The following PLXNA4 variants were observed in gnomAD, a reference collection of about 807,000 sequenced individuals.
PLXNA4 encodes the protein plexin A4, also known as plexin-A4.
Under a neutral mutation model 191.8 loss-of-function variants are expected in PLXNA4, and 44 were observed. The observed-to-expected ratio is 0.23, with a 90% confidence interval of 0.18 to 0.29. The LOEUF (loss-of-function observed/expected upper bound fraction) is 0.29, where lower values mean the gene tolerates loss of function less well. Ranked by LOEUF, PLXNA4 falls within the 10% of genes least tolerant of loss-of-function variation. PLXNA4 has a pLI of 1.00. For synonymous variants in PLXNA4, 1,082 were observed against 1,009.5 expected, an observed-to-expected ratio of 1.07 and a Z score of -1.36; for missense variants, 1,800 against 2,488.8, an observed-to-expected ratio of 0.72 and a Z score of 5.89.
chr7:132,370,982 T>C (rs116759966), intron 3 of PLXNA4, among the ~76,000 whole-genome samples: 2,071 of 152,114 alleles, frequency 0.014, 45 homozygotes, highest in African/African-American at 0.047. Flanking sequence ...TGGCCACATA[T>C]GGATGGCCAT....
At chr7:132,189,239 CTCACTGGTGGGGA>C (rs1285543853) in intron 14 of PLXNA4, among the ~76,000 whole-genome samples, 1 of 151,638 alleles carries the variant, frequency 6.6e-6, no homozygotes, top group Non-Finnish European at 1.5e-5. Flanking sequence ...TATCAAGGGG[CTCACTGGTGGGGA>C]GAGGATGTTA....
Position 132,140,628 on chromosome 7 carries a change from G to A in PLXNA4, c.5409C>T (p.Asp1803=), listed in dbSNP as rs201550788. Reference sequence around the variant, plus strand: ...CCACCCAATTCTTGTAGCTGGGGATGTCCTTGGCATACAGCAGCTTGTTGG... The same window carrying A: ...CCACCCAATTCTTGTAGCTGGGGATATCCTTGGCATACAGCAGCTTGTTGG... ...SPSNKLLYAK[D]IPSYKNWVER... is the part of the protein sequence containing the mutation. Residue 1803 remains aspartate, a synonymous_variant, in exon 30 of 32, where the codon GAC becomes GAT. Transcript: ENST00000321063. The A allele has an allele frequency of 1.2e-6, 2 of 1,614,124 alleles. No homozygotes were observed. Among genetic ancestry groups the A allele is most frequent in the African/African-American group, 1.3e-5 (1 of 75,044 alleles).
intron 3 of PLXNA4, among the ~76,000 whole-genome samples, chr7:132,369,633 A>G (rs1187443870): frequency 6.6e-6 from 1 of 152,136 alleles, no homozygotes; most frequent in African/African-American, 2.4e-5. Context: ...ATCACCGAAA[A>G]GCAGGCACTT....
intron 3 of PLXNA4, among the ~76,000 whole-genome samples, chr7:132,336,407 G>C (rs79922997): frequency 0.022 from 3,371 of 152,208 alleles, 125 homozygotes; most frequent in African/African-American, 0.077. Flanking sequence ...TGTATATCCT[G>C]ATATGGGGGT....
intron 3 of PLXNA4, among the ~76,000 whole-genome samples, chr7:132,341,100 G>C (rs1446157700): frequency 6.6e-6 from 1 of 152,138 alleles, no homozygotes; most frequent in African/African-American, 2.4e-5. Context: ...CCCCTATCCA[G>C]GCCCTACCCC....
intron 9 of PLXNA4, among the ~76,000 whole-genome samples, chr7:132,216,114 G>A (rs1797955360): frequency 6.6e-6 from 1 of 152,162 alleles, no homozygotes; most frequent in Non-Finnish European, 1.5e-5. Flanking sequence ...CTCACTCTGG[G>A]CAGGTAGTGT....
At chr7:132,217,153 T>C (rs980516394) in intron 9 of PLXNA4, among the ~76,000 whole-genome samples, 1 of 152,204 alleles carries the variant, frequency 6.6e-6, no homozygotes, top group Non-Finnish European at 1.5e-5. Context: ...TGGTCTCCAC[T>C]GAAATGCACA....
intron 30 of PLXNA4, among the ~76,000 whole-genome samples, chr7:132,137,659 C>T (rs1324837510): frequency 5.8e-5 from 8 of 138,886 alleles, no homozygotes; most frequent in Admixed American, 5.7e-4. Flanking sequence ...TACAAACCAC[C>T]ATTATTACAA....
At chr7:132,431,591 C>T (rs1795263182) in intron 3 of PLXNA4, among the ~76,000 whole-genome samples, 1 of 152,178 alleles carries the variant, frequency 6.6e-6, no homozygotes, top group East Asian at 1.9e-4. Flanking sequence ...TCACAGCATT[C>T]AAGCCAAGAC....
chr7:132,366,536 AAGAG>A (rs540283249), intron 3 of PLXNA4, among the ~76,000 whole-genome samples: 2 of 152,090 alleles, frequency 1.3e-5, no homozygotes, highest in Admixed American at 6.5e-5. Context: ...TTAAAAAAAA[AAGAG>A]AGAGAGAATT....
chr7:132,342,017 A>C (rs1294485403), intron 3 of PLXNA4, among the ~76,000 whole-genome samples: 3 of 151,690 alleles, frequency 2.0e-5, no homozygotes, highest in Admixed American at 2.0e-4. Context: ...AAATGATCTT[A>C]ATGGTCTAAG....
intron 30 of PLXNA4, among the ~76,000 whole-genome samples, chr7:132,138,789 A>G (rs1255144594): frequency 2.0e-5 from 3 of 152,192 alleles, no homozygotes; most frequent in Non-Finnish European, 2.9e-5. Flanking sequence ...CCAAGCAGAA[A>G]GGAGACCACT....
intron 3 of PLXNA4, chr7:132,384,665 A>G: frequency 1.0e-6 from 1 of 995,204 alleles, no homozygotes; most frequent in South Asian, 4.5e-5. Context: ...GCACTGAGTT[A>G]ATTACATGAT....
At position 132,159,729 on chromosome 7, in the gene PLXNA4, C is replaced by G. The variant is rs550475290; in HGVS notation, c.4501-97G>C. 91 of 1,555,072 alleles carry G rather than the reference C, an allele frequency of 5.9e-5. 1 individual carries two copies. Among genetic ancestry groups the G allele is most frequent in the Non-Finnish European group, 3.9e-5 (45 of 1,148,332 alleles). ...CCCTGGGATTCCGTCCTGAATGGCT[C>G]ATCCTCTCCAGGATGGGCTAGGGAG... On this transcript the variant is annotated intron_variant, in intron 24 of 31. Coordinates refer to ENST00000321063, the MANE Select transcript of PLXNA4 (RefSeq NM_020911.2).
At chr7:132,143,772 T>C (rs2116556016) in intron 29 of PLXNA4, among the ~76,000 whole-genome samples, 1 of 152,292 alleles carries the variant, frequency 6.6e-6, no homozygotes, top group South Asian at 2.1e-4. Flanking sequence ...TCACAAAGTT[T>C]TGCTACACTG....
At chr7:132,209,542 G>A (rs1797729425) in intron 10 of PLXNA4, among the ~76,000 whole-genome samples, 1 of 152,122 alleles carries the variant, frequency 6.6e-6, no homozygotes, top group Non-Finnish European at 1.5e-5. Flanking sequence ...CTGGCAGCCA[G>A]GGGAGGAGGG....
chr7:132,166,882 C>G (rs1474900985), intron 22 of PLXNA4, among the ~76,000 whole-genome samples: 1 of 152,156 alleles, frequency 6.6e-6, no homozygotes, highest in Non-Finnish European at 1.5e-5. Context: ...TCTGCTGGCT[C>G]TTATATGCAG....
rs1392087249 is a variant in PLXNA4, at chr7:132,146,683, T to C, written c.4882A>G (p.Thr1628Ala). ...ASKYENMIRY[T>A]GSPDSLRSRT... Reference sequence around the variant, plus strand: ...GAGCGGAGGCTGTCGGGGCTGCCCGTGTACCGGATCATGTTTTCTGCCAAG... The same window carrying C: ...GAGCGGAGGCTGTCGGGGCTGCCCGCGTACCGGATCATGTTTTCTGCCAAG... Residue 1628 changes from threonine to alanine, a missense_variant, in exon 28 of 32, where the codon ACG becomes GCG. Transcript: ENST00000321063. 6.2e-7 allele frequency: 1 copy of C among 1,614,172 alleles called. No individual in the cohort carries two copies. Among genetic ancestry groups the C allele is most frequent in the Non-Finnish European group, 8.5e-7 (1 of 1,180,012 alleles).
At chr7:132,615,498 G>A (rs1467036773) in intron 2 of PLXNA4, among the ~76,000 whole-genome samples, 6 of 152,182 alleles carry the variant, frequency 3.9e-5, no homozygotes, top group African/African-American at 1.4e-4. Context: ...GCAGGCTTTG[G>A]CTGATGGCTG....
Sources: gnomAD v4.1 joint callset for allele counts (sites outside exome capture counted in the v4.1 genomes callset) on GRCh38, gnomAD v4.1.1 for gene constraint, MANE v1.5 for transcripts, NCBI Gene and HGNC (gene_info 2026-07-23, HGNC 2026-07-21) for gene names.